Variants in CRISPLD2 observed in about 807,000 individuals in gnomAD.
CRISPLD2 encodes cysteine rich secretory protein LCCL domain containing 2.
In CRISPLD2, 47 loss-of-function variants were observed where a neutral mutation model predicts 71.1. The observed-to-expected ratio is 0.66, with a 90% confidence interval of 0.52 to 0.84. CRISPLD2 has a LOEUF of 0.84. CRISPLD2 is among the 40% of genes least tolerant of loss of function. CRISPLD2 has a pLI of 0.00. For synonymous variants in CRISPLD2, 317 were observed against 250.1 expected, an observed-to-expected ratio of 1.27 and a Z score of -2.52; for missense variants, 830 against 651.1, an observed-to-expected ratio of 1.27 and a Z score of -2.99.
intron 13 of CRISPLD2, among the ~76,000 whole-genome samples, chr16:84,888,585 G>A (rs1264532433): frequency 6.6e-6 from 1 of 152,330 alleles, no homozygotes; most frequent in East Asian, 1.9e-4. Context: ...CCTGTGTCCA[G>A]TCTACATGGC....
At chr16:84,873,782 A>T in intron 10 of CRISPLD2, 138 bp from the exon 11 acceptor site, 1 of 800,814 alleles carries the variant, frequency 1.2e-6, no homozygotes, top group Non-Finnish European at 1.9e-6. Context: ...AAGAGCTCTC[A>T]GGCTGATAGG....
chr16:84,839,039 T>G (rs1916703842), intron 2 of CRISPLD2: 2 of 480,352 alleles, frequency 4.2e-6, no homozygotes, highest in Admixed American at 5.7e-5. Flanking sequence ...GCATGCACCA[T>G]GGTGCCCAGC....
chr16:84,835,938 G>GT (rs1916607210), intron 1 of CRISPLD2, among the ~76,000 whole-genome samples: 1 of 152,116 alleles, frequency 6.6e-6, no homozygotes, highest in Non-Finnish European at 1.5e-5. Context: ...TTAAGCACAG[G>GT]TTGGCCCTCC....
intron 6 of CRISPLD2, among the ~76,000 whole-genome samples, chr16:84,863,379 G>C (rs191280387): frequency 2.4e-4 from 37 of 152,346 alleles, no homozygotes; most frequent in African/African-American, 8.7e-4. Flanking sequence ...CTCTGAAGCA[G>C]CTTATCTGCA....
chr16:84,862,654 A>G (rs918109521), intron 6 of CRISPLD2, among the ~76,000 whole-genome samples: 2 of 140,554 alleles, frequency 1.4e-5, no homozygotes, highest in African/African-American at 5.3e-5. Flanking sequence ...GGTGCTGACC[A>G]TGCTCGTGTG....
At chr16:84,875,695 TAC>T (rs1180327149) in intron 11 of CRISPLD2, among the ~76,000 whole-genome samples, 10 of 151,264 alleles carry the variant, frequency 6.6e-5, no homozygotes, top group Non-Finnish European at 1.5e-5. Flanking sequence ...TAGCTGGGAT[TAC>T]AGGCACCCGC....
intron 6 of CRISPLD2, among the ~76,000 whole-genome samples, chr16:84,857,652 C>T (rs1917277913): frequency 1.3e-5 from 2 of 152,216 alleles, no homozygotes; most frequent in African/African-American, 2.4e-5. Context: ...TGTACTGCCG[C>T]AGCTGTCCAC....
chr16:84,827,002 G>A (rs1381091769), intron 1 of CRISPLD2, among the ~76,000 whole-genome samples: 1 of 151,772 alleles, frequency 6.6e-6, no homozygotes, highest in Non-Finnish European at 1.5e-5. Flanking sequence ...ATTTCTTGTT[G>A]ATGCTTAACA....
intron 14 of CRISPLD2, among the ~76,000 whole-genome samples, chr16:84,904,013 G>A (rs1394938827): frequency 6.6e-6 from 1 of 152,180 alleles, no homozygotes; most frequent in Admixed American, 6.5e-5. Flanking sequence ...CCATTGTCAG[G>A]AACAGTATCA....
intron 4 of CRISPLD2, among the ~76,000 whole-genome samples, chr16:84,849,811 G>C (rs1917031544): frequency 6.7e-6 from 1 of 150,276 alleles, no homozygotes; most frequent in African/African-American, 2.4e-5. Context: ...CCAAACTCCT[G>C]GGCTCAAGCA....
intron 11 of CRISPLD2, among the ~76,000 whole-genome samples, chr16:84,876,300 G>C (rs915150628): frequency 1.3e-5 from 2 of 152,198 alleles, no homozygotes; most frequent in Admixed American, 1.3e-4. Context: ...TCAGGAGTTT[G>C]AGACCAGCCT....
intron 5 of CRISPLD2, 88 bp downstream of exon 5, chr16:84,850,771 C>T (rs949157896): frequency 3.4e-5 from 34 of 990,174 alleles, no homozygotes; most frequent in African/African-American, 1.1e-4. Flanking sequence ...GCTTGAGCAG[C>T]GAAGTCTTTA....
chr16:84,893,588 C>T (rs1237364259), intron 14 of CRISPLD2, among the ~76,000 whole-genome samples: 1 of 152,206 alleles, frequency 6.6e-6, no homozygotes, highest in Non-Finnish European at 1.5e-5. Flanking sequence ...AGTGAGAGGA[C>T]ACAGTGCAGA....
At chr16:84,838,336 G>C (rs1011994627) in intron 1 of CRISPLD2, 86 bp from the exon 2 acceptor site, 3 of 803,946 alleles carry the variant, frequency 3.7e-6, no homozygotes, top group Non-Finnish European at 6.0e-6. Context: ...GGAGAGAGTC[G>C]TGTGTGCTGC....
intron 12 of CRISPLD2, among the ~76,000 whole-genome samples, chr16:84,880,115 G>T (rs1164720240): frequency 6.6e-6 from 1 of 152,160 alleles, no homozygotes; most frequent in East Asian, 1.9e-4. Flanking sequence ...ACACAGGGAA[G>T]CGGCCTTAGA....
intron 2 of CRISPLD2, among the ~76,000 whole-genome samples, chr16:84,844,211 G>T (rs1427109650): frequency 6.6e-6 from 1 of 152,248 alleles, no homozygotes; most frequent in East Asian, 1.9e-4. Context: ...AGTCATGTGT[G>T]TTCCTGGGGC....
rs545981746 is a variant in CRISPLD2, at chr16:84,881,983, T to A, written c.1305+1399T>A. On this transcript the variant is annotated intron_variant, in intron 13 of 14. Transcript: ENST00000262424. ...TTTTCTTTCCTCTTTAAATGGGTCT[T>A]TTTTTCTTCTTGAAAGTGATTCAGC... Among the ~76,000 whole-genome samples the A allele has an allele frequency of 6.6e-5, 10 of 152,312 alleles. No individual in the cohort carries two copies. The East Asian group carries it at 1.9e-3, about 29-fold the overall frequency.
chr16:84,864,465 C>T (rs995578738), intron 6 of CRISPLD2, among the ~76,000 whole-genome samples: 2 of 152,200 alleles, frequency 1.3e-5, no homozygotes, highest in Admixed American at 6.5e-5. Context: ...CCAGCCAGCT[C>T]CCGCTCTCAG....
rs781013604 is a variant in CRISPLD2, at chr16:84,863,957, C to CAA, written c.710-2923_710-2922dup. ...GGGCAACAAGAGCAAAACTTCCTCT[C>CAA]AAAAAAAAAAAAAAAAAAGAAAGAA... On this transcript the variant is annotated intron_variant, in intron 6 of 14. Coordinates refer to ENST00000262424, the MANE Select transcript of CRISPLD2 (RefSeq NM_031476.4). Among the ~76,000 whole-genome samples the CAA allele has an allele frequency of 4.4e-3, 353 of 80,790 alleles. 4 individuals carry two copies. The highest frequency in any genetic ancestry group is 0.014 in the African/African-American group (328 of 23,368). 53.0% of individuals were successfully genotyped at this position (80,790 alleles called of 152,430 possible).
Sources: gnomAD v4.1 joint callset for allele counts (sites outside exome capture counted in the v4.1 genomes callset) on GRCh38, gnomAD v4.1.1 for gene constraint, MANE v1.5 for transcripts, NCBI Gene and HGNC (gene_info 2026-07-23, HGNC 2026-07-21) for gene names.